The following WDR35 variants were observed in gnomAD, a reference collection of about 807,000 sequenced individuals.
The protein encoded by WDR35 is WD repeat domain 35.
In WDR35, 118 loss-of-function variants were observed where a neutral mutation model predicts 158.3. That is an observed-to-expected ratio of 0.75 (90% confidence interval 0.64 to 0.87). WDR35 has a LOEUF of 0.87. WDR35 is among the 40% of genes least tolerant of loss of function. The pLI is 0.00. For missense variants in WDR35, 1,263 were observed against 1,405.8 expected (o/e 0.90, Z 1.62); for synonymous variants, 448 against 476.1 (o/e 0.94, Z 0.77).
rs141214946 is a variant in WDR35, at chr2:19,912,872, A to C, written c.*686T>G. On this transcript the variant is annotated 3_prime_UTR_variant, in exon 27 of 27. Transcript: ENST00000281405. ...AACTACAAAATGGATATTTCTGTTT[A>C]AGTTATCTTCATTATAAATAGAGGC... 1 of 152,362 alleles carries C rather than the reference A, an allele frequency of 6.6e-6. No individual in the cohort carries two copies. Among genetic ancestry groups the C allele is most frequent in the Non-Finnish European group, 1.5e-5 (1 of 68,032 alleles). The allele number at this position is 152,362 out of a possible 1,614,324, so 9.4% of individuals were successfully genotyped here. A position where few individuals can be genotyped will look rare whatever the true frequency, so the allele number is the denominator to read the frequency against.
chr2:19,933,724 G>A (rs571198601), intron 21 of WDR35, among the ~76,000 whole-genome samples: 68 of 152,238 alleles, frequency 4.5e-4, no homozygotes, highest in Non-Finnish European at 8.5e-4. Context: ...TCAGGCTGTG[G>A]ATCTGATTTT....
At chr2:19,939,497 T>C (rs1002011705) in intron 17 of WDR35, among the ~76,000 whole-genome samples, 1 of 152,172 alleles carries the variant, frequency 6.6e-6, no homozygotes, top group Non-Finnish European at 1.5e-5. Context: ...AAGTCTAGAA[T>C]TCCTTTAAAC....
At chr2:19,979,058 C>T (rs957082053) in intron 4 of WDR35, among the ~76,000 whole-genome samples, 179 bp from the exon 5 acceptor site, 1 of 152,136 alleles carries the variant, frequency 6.6e-6, no homozygotes, top group Non-Finnish European at 1.5e-5. Context: ...GAAAAATTAA[C>T]TTGGGCTTAA....
At chr2:19,962,426 A>T (rs1671692553) in intron 10 of WDR35, 1 of 1,139,920 alleles carries the variant, frequency 8.8e-7, no homozygotes, top group Non-Finnish European at 1.3e-6. Context: ...ATATACAAAT[A>T]ATCATCAATG....
intron 14 of WDR35, 76 bp downstream of exon 14, chr2:19,948,088 G>T: frequency 1.7e-6 from 2 of 1,199,420 alleles, no homozygotes; most frequent in Non-Finnish European, 2.4e-6. Flanking sequence ...CAGACATGGG[G>T]CACACACCTG....
intron 1 of WDR35, 83 bp downstream of exon 1, chr2:19,989,909 G>A (rs1672696405): frequency 6.3e-7 from 1 of 1,588,704 alleles, no homozygotes; most frequent in Non-Finnish European, 8.6e-7. Context: ...GGGTGAAGGA[G>A]CCTGGCTTCT....
At position 19,974,334 on chromosome 2, in the gene WDR35, G is replaced by A. The variant is rs887606765; in HGVS notation, c.736+134C>T. The A allele has an allele frequency of 5.6e-5, 49 of 867,430 alleles. No homozygotes were observed. In the East Asian group the frequency reaches 8.8e-4, roughly 16 times the overall value. 53.7% of individuals were successfully genotyped at this position (867,430 alleles called of 1,614,324 possible). On this transcript the variant is annotated intron_variant, in intron 7 of 26. Transcript: ENST00000281405. ...TGAGGCAGGAAATTCGCTTGAACCCGGGAGGCAGAAGTTGCCGTGAGCCAA... is the reference window on the plus strand; with the variant it reads ...TGAGGCAGGAAATTCGCTTGAACCCAGGAGGCAGAAGTTGCCGTGAGCCAA...
rs1671970126 is a variant in WDR35, at chr2:19,969,585, A to T, written c.903T>A (p.Val301=). 1.2e-6 allele frequency: 2 copies of T among 1,613,916 alleles called. No individual in the cohort carries two copies. The highest frequency in any genetic ancestry group is 2.7e-5 in the African/African-American group (2 of 75,050). The change falls in exon 9 of 27, where the codon GTT becomes GTA. Residue 301 remains valine, a synonymous_variant. Coordinates refer to ENST00000281405, the MANE Select transcript of WDR35 (RefSeq NM_020779.4). ...PFGEHLGTLK[V]PGKEISALSW... ...ATAGTGCAGATATTTCCTTTCCAGG[A>T]ACTTTCAAAGTACCCAGATGCTGAA...
At chr2:19,987,091 C>T (rs531182420) in intron 2 of WDR35, among the ~76,000 whole-genome samples, 101 of 152,196 alleles carry the variant, frequency 6.6e-4, no homozygotes, top group African/African-American at 2.3e-3. Flanking sequence ...ACAATGGTGC[C>T]ATAGAAGATG....
rs1348345627 is a variant in WDR35 at position 19,989,282 on chromosome 2, T to G, written c.25A>C (p.Ile9Leu). 1 of 1,613,958 alleles carries G rather than the reference T, an allele frequency of 6.2e-7. No homozygotes were observed. Among genetic ancestry groups the G allele is most frequent in the Non-Finnish European group, 8.5e-7 (1 of 1,179,940 alleles). ...AGCTTCACGTTATTGGGAATGGAAATCTGAAAAAGCAACCACAGCCGCACT... is the reference window on the plus strand; with the variant it reads ...AGCTTCACGTTATTGGGAATGGAAAGCTGAAAAAGCAACCACAGCCGCACT... MFFYLSKK[I>L]SIPNNVKLQC... The change falls in exon 2 of 27, where the codon ATT (isoleucine) becomes CTT (leucine). Residue 9 changes from isoleucine (I) to leucine (L), a missense_variant and splice_region_variant. Transcript: ENST00000281405.
Position 19,951,491 on chromosome 2 carries a change from A to G in WDR35, c.1401-7T>C, listed in dbSNP as rs1305651094. On this transcript the variant is annotated splice_polypyrimidine_tract_variant and splice_region_variant and intron_variant, in intron 12 of 26. Transcript: ENST00000281405. ...ATCATCAACATGATAAATTCTGCAA[A>G]AAAGATCAGAATTTCAAAGAAAGTT... 6 of 1,606,202 alleles carry G rather than the reference A, an allele frequency of 3.7e-6. 1 individual carries two copies. In the South Asian group the frequency reaches 6.7e-5, roughly 18 times the overall value.
Position 19,946,481 on chromosome 2 carries a change from T to C in WDR35, c.1614A>G (p.Leu538=). 1 of 1,613,558 alleles carries C rather than the reference T, an allele frequency of 6.2e-7. No individual in the cohort carries two copies. Among genetic ancestry groups the C allele is most frequent in the Non-Finnish European group, 8.5e-7 (1 of 1,179,638 alleles). ...CTTACCTAGAGTTGCAATTCAAGGATAACTGGTAGGCTCGACAATTAAGGG... is the reference window on the plus strand; with the variant it reads ...CTTACCTAGAGTTGCAATTCAAGGACAACTGGTAGGCTCGACAATTAAGGG... ...KYSLNCRAYQ[L]SLNCNSSRLA... The change falls in exon 15 of 27, where the codon TTA becomes TTG. Residue 538 remains leucine, a synonymous_variant. Transcript: ENST00000281405.
At chr2:19,930,285 C>T in intron 25 of WDR35, 111 bp downstream of exon 25, 1 of 1,497,226 alleles carries the variant, frequency 6.7e-7, no homozygotes, top group Non-Finnish European at 9.2e-7. Flanking sequence ...AAAATAAATC[C>T]ATAGGAAAAA....
At chr2:19,976,688 CT>C (rs34211947) in intron 5 of WDR35, among the ~76,000 whole-genome samples, 20,436 of 139,252 alleles carry the variant, frequency 0.15, 1,972 homozygotes, top group African/African-American at 0.28. Flanking sequence ...CCAATTGATA[CT>C]TTTTTTTTTT....
At chr2:19,917,114 C>T (rs2103381825) in intron 25 of WDR35, among the ~76,000 whole-genome samples, 1 of 152,292 alleles carries the variant, frequency 6.6e-6, no homozygotes, top group Non-Finnish European at 1.5e-5. Flanking sequence ...CTGGAGCGGA[C>T]CTCCAGCAAA....
chr2:19,985,899 GAA>G (rs70939024), intron 2 of WDR35, among the ~76,000 whole-genome samples: 1,529 of 70,722 alleles, frequency 0.022, 26 homozygotes, highest in African/African-American at 0.076. Context: ...CCCATCTCGG[GAA>G]AAAAAAAAAA....
At chr2:19,933,693 T>C (rs2103400177) in intron 21 of WDR35, among the ~76,000 whole-genome samples, 182 bp from the exon 22 acceptor site, 1 of 152,326 alleles carries the variant, frequency 6.6e-6, no homozygotes, top group East Asian at 1.9e-4. Context: ...ATCACTTCTA[T>C]AAATCCAGAG....
intron 8 of WDR35, among the ~76,000 whole-genome samples, chr2:19,971,448 C>T (rs1050696940): frequency 6.6e-6 from 1 of 152,180 alleles, no homozygotes; most frequent in Non-Finnish European, 1.5e-5. Context: ...CTTCCTTCCA[C>T]CATGAAATTA....
chr2:19,935,363 C>T lies in WDR35; in HGVS notation c.2547+108G>A, dbSNP rs527290890. The T allele has an allele frequency of 1.3e-4, 154 of 1,225,304 alleles. No individual in the cohort carries two copies. The African/African-American group carries it at 2.0e-3, about 16-fold the overall frequency. 75.9% of individuals were successfully genotyped at this position (1,225,304 alleles called of 1,614,324 possible). A position where few individuals can be genotyped will look rare whatever the true frequency, so the allele number is the denominator to read the frequency against. ...TCATTCCATGTCTAAGAAACTGTAACATTATAGATTTTTAATTTTCTTTAT... is the reference window on the plus strand; with the variant it reads ...TCATTCCATGTCTAAGAAACTGTAATATTATAGATTTTTAATTTTCTTTAT... On this transcript the variant is annotated intron_variant, in intron 21 of 26. Coordinates refer to ENST00000281405, the MANE Select transcript of WDR35 (RefSeq NM_020779.4).
Sources: allele counts gnomAD v4.1 joint callset (sites outside exome capture counted in the v4.1 genomes callset), GRCh38; gene constraint gnomAD v4.1.1; transcripts MANE v1.5; gene names NCBI Gene and HGNC (gene_info 2026-07-23, HGNC 2026-07-21).